Variants in TLE6 observed in about 807,000 individuals in gnomAD.
The protein encoded by TLE6 is TLE family member 6, subcortical maternal complex member.
A neutral mutation model predicts 77.1 loss-of-function variants in TLE6; 72 were observed. That is an observed-to-expected ratio of 0.93 (90% CI 0.77 to 1.14). The LOEUF (loss-of-function observed/expected upper bound fraction) is 1.14, where lower values mean the gene tolerates loss of function less well. TLE6 is among the 50% of genes most tolerant of loss of function. The probability of loss-of-function intolerance (pLI) is 0.00; values close to 1 mark genes in which losing one functional copy is unlikely to be tolerated. For missense variants in TLE6, 843 were observed against 747.6 expected (o/e 1.13, Z -1.49); for synonymous variants, 366 against 287.3 (o/e 1.27, Z -2.77).
chr19:2,984,642 G>A (rs369053228), intron 5 of TLE6, among the ~76,000 whole-genome samples: 2 of 151,744 alleles, frequency 1.3e-5, no homozygotes, highest in Admixed American at 6.6e-5. Context: ...TAACTTTTAT[G>A]TTTTTAGTAG....
chr19:2,982,065 G>GC, intron 4 of TLE6, 83 bp from the exon 5 acceptor site: 1 of 1,437,228 alleles, frequency 7.0e-7, no homozygotes, highest in Non-Finnish European at 9.6e-7. Flanking sequence ...GTAGGGGCCA[G>GC]AGAGGTAGAG....
At chr19:2,980,005 C>T in intron 2 of TLE6, 95 bp from the exon 3 acceptor site, 1 of 885,262 alleles carries the variant, frequency 1.1e-6, no homozygotes, top group African/African-American at 1.7e-5. Flanking sequence ...TACTTTTGCA[C>T]CAACCTAATG....
intron 3 of TLE6, 65 bp downstream of exon 3, chr19:2,980,247 G>A (rs1490648497): frequency 4.2e-5 from 58 of 1,380,588 alleles, no homozygotes; most frequent in East Asian, 3.8e-4. Context: ...CCTCTCTCCC[G>A]GGGGTCCTAG....
At chr19:2,979,530 A>G (rs958020811) in intron 2 of TLE6, among the ~76,000 whole-genome samples, 1 of 152,018 alleles carries the variant, frequency 6.6e-6, no homozygotes, top group African/African-American at 2.4e-5. Flanking sequence ...TACAGGCATG[A>G]GCCACCTTGC....
chr19:2,992,486 G>A (rs2089091975), intron 14 of TLE6, among the ~76,000 whole-genome samples: 2 of 151,764 alleles, frequency 1.3e-5, no homozygotes, highest in Middle Eastern at 3.5e-3. Context: ...AACAAATGAG[G>A]TTGGCCAGGC....
chr19:2,984,504 G>T (rs577630043), intron 5 of TLE6: 1 of 152,340 alleles, frequency 6.6e-6, no homozygotes, highest in South Asian at 2.1e-4. Flanking sequence ...ATCATGCTCC[G>T]TCTCCCAGGC....
chr19:2,981,554 G>A lies in TLE6; in HGVS notation c.151G>A (p.Ala51Thr). The change falls in exon 4 of 17, where the codon GCT (alanine) becomes ACT (threonine). Residue 51 changes from alanine to threonine, a missense_variant. Transcript: ENST00000246112. ...CCCCCTCAGGTTTTCTCCTCATTTT[G>A]CTGCGGAGTTGGAGAGCATTTACTA... ...KQFPRFSPHF[A>T]AELESIYYSL... 6.4e-7 allele frequency: 1 copy of A among 1,551,506 alleles called. No homozygotes were observed. The highest frequency in any genetic ancestry group is 8.7e-7 in the Non-Finnish European group (1 of 1,146,944).
intron 16 of TLE6, 27 bp downstream of exon 16, chr19:2,994,122 C>T: frequency 1.9e-6 from 3 of 1,580,218 alleles, no homozygotes; most frequent in Non-Finnish European, 2.6e-6. Context: ...GGGGCAGGAC[C>T]CGGGGGTGGC....
chr19:2,979,974 A>AAAC lies in TLE6; in HGVS notation c.52-124_52-123insCAA, dbSNP rs747362328. ...GCAAGACTCGGTTTCCAAAAAAAAA[A>AAAC]AAAAAAGCAAAAACCACAATTACTT... On this transcript the variant is annotated intron_variant, in intron 2 of 16. Transcript: ENST00000246112. The AAAC allele has an allele frequency of 2.8e-3, 1,928 of 678,230 alleles. 9 individuals carry two copies. The highest frequency in any genetic ancestry group is 4.3e-3 in the Admixed American group (144 of 33,376). The allele number at this position is 678,230 out of a possible 1,614,324, so 42.0% of individuals were successfully genotyped here.
chr19:2,981,639 G>A (rs2088800032), intron 4 of TLE6, 56 bp downstream of exon 4: 2 of 1,536,714 alleles, frequency 1.3e-6, no homozygotes, highest in Admixed American at 3.9e-5. Flanking sequence ...ACAAGCTGAG[G>A]CCCTGGTTTC....
chr19:2,978,664 A>G (rs1033199041), intron 2 of TLE6, among the ~76,000 whole-genome samples: 3 of 152,092 alleles, frequency 2.0e-5, no homozygotes, highest in African/African-American at 7.2e-5. Flanking sequence ...GCTGAGGCAG[A>G]GGGTTGGCTT....
At chr19:2,979,958 G>A (rs1447258642) in intron 2 of TLE6, 142 bp from the exon 3 acceptor site, 7 of 450,328 alleles carry the variant, frequency 1.6e-5, no homozygotes, top group Admixed American at 1.1e-4. Flanking sequence ...AGCAAGACTC[G>A]GTTTCCAAAA....
intron 5 of TLE6, chr19:2,984,356 G>T (rs1395080147): frequency 6.6e-6 from 1 of 151,090 alleles, no homozygotes; most frequent in Non-Finnish European, 1.5e-5. Context: ...CCCCCCCGCG[G>T]GGCTCCGATG....
chr19:2,987,314 TTC>T lies in TLE6; in HGVS notation c.542-36_542-35del, dbSNP rs773907629. The T allele has an allele frequency of 2.2e-5, 35 of 1,614,050 alleles. No individual in the cohort carries two copies. The Middle Eastern group carries it at 4.9e-4, about 23-fold the overall frequency. On this transcript the variant is annotated intron_variant, in intron 7 of 16. Coordinates refer to ENST00000246112, the MANE Select transcript of TLE6 (RefSeq NM_001143986.2). ...AGGGGCTGTGCAGTGAACCCTGCTG[TTC>T]TCTCTGTCCCCCTCCTCCTCTCCGT...
rs376105510 is a variant in TLE6, at chr19:2,991,605, G to C, written c.1245-238G>C. Among the ~76,000 whole-genome samples the C allele has an allele frequency of 3.4e-3, 481 of 141,712 alleles. 7 individuals are homozygous for C. Among genetic ancestry groups the C allele is most frequent in the Middle Eastern group, 0.02 (6 of 294 alleles). The allele number at this position is 141,712 out of a possible 152,430, so 93.0% of individuals were successfully genotyped here. ...GTGGACTCAGGGTGGAAGAGGCAAGGGGAGGCCTAGGTGAGGCCAAGGGGA... is the reference window on the plus strand; with the variant it reads ...GTGGACTCAGGGTGGAAGAGGCAAGCGGAGGCCTAGGTGAGGCCAAGGGGA... On this transcript the variant is annotated intron_variant, in intron 13 of 16. Coordinates refer to ENST00000246112, the MANE Select transcript of TLE6 (RefSeq NM_001143986.2).
chr19:2,984,260 C>T (rs1408063334), intron 5 of TLE6: 1 of 152,128 alleles, frequency 6.6e-6, no homozygotes, highest in Non-Finnish European at 1.5e-5. Flanking sequence ...TTGGAGAGGG[C>T]TCCCCTGGGA....
chr19:2,994,816 C>T (rs439808), intron 16 of TLE6, 84 bp from the exon 17 acceptor site: 28 of 741,210 alleles, frequency 3.8e-5, no homozygotes, highest in African/African-American at 5.2e-5. Flanking sequence ...TTTGAAGAGA[C>T]GATGCTTCAT....
intron 6 of TLE6, 37 bp from the exon 7 acceptor site, chr19:2,986,946 C>T (rs375018092): frequency 9.0e-6 from 14 of 1,558,556 alleles, no homozygotes; most frequent in African/African-American, 6.8e-5. Flanking sequence ...GAAGGCTCAT[C>T]CTCAAAGCTC....
chr19:2,979,455 C>G (rs1284523976), intron 2 of TLE6, among the ~76,000 whole-genome samples: 1 of 151,328 alleles, frequency 6.6e-6, no homozygotes, highest in Non-Finnish European at 1.5e-5. Context: ...CTGAGTTGCC[C>G]AGGGTTGTCT....
Sources: gnomAD v4.1 joint callset for allele counts (sites outside exome capture counted in the v4.1 genomes callset) on GRCh38, gnomAD v4.1.1 for gene constraint, MANE v1.5 for transcripts, NCBI Gene and HGNC (gene_info 2026-07-23, HGNC 2026-07-21) for gene names.